Variants in PGM5 observed in about 807,000 individuals in gnomAD.
PGM5 encodes phosphoglucomutase 5, also known as phosphoglucomutase-like protein 5.
Under a neutral mutation model 59.2 loss-of-function variants are expected in PGM5, and 23 were observed. The ratio of observed to expected loss-of-function variants is 0.39; its 90% CI spans 0.28 to 0.55. The LOEUF (loss-of-function observed/expected upper bound fraction) is 0.55, where lower values mean the gene tolerates loss of function less well. Among genes scored for constraint, PGM5 ranks in the 20% least tolerant of loss-of-function variants. The pLI is 0.66. For synonymous variants in PGM5, 214 were observed against 286.0 expected, an observed-to-expected ratio of 0.75 and a Z score of 2.54; for missense variants, 574 against 748.3, an observed-to-expected ratio of 0.77 and a Z score of 2.72.
At chr9:68,513,218 T>A (rs549838457) in intron 10 of PGM5, among the ~76,000 whole-genome samples, 241 of 152,336 alleles carry the variant, frequency 1.6e-3, no homozygotes, top group African/African-American at 5.7e-3. Flanking sequence ...GGGAAAAAAA[T>A]ATCAAATCTC....
At chr9:68,375,814 G>C (rs1288319895) in intron 1 of PGM5, among the ~76,000 whole-genome samples, 1 of 152,196 alleles carries the variant, frequency 6.6e-6, no homozygotes, top group African/African-American at 2.4e-5. Context: ...GCTGTCAAGG[G>C]TGCTATCTCT....
At chr9:68,473,956 A>G (rs1824062541) in intron 7 of PGM5, among the ~76,000 whole-genome samples, 1 of 152,004 alleles carries the variant, frequency 6.6e-6, no homozygotes. Context: ...TTAGCACCAC[A>G]TTCAAGCAAA....
chr9:68,383,551 T>TA (rs1187574530), intron 2 of PGM5, among the ~76,000 whole-genome samples: 1 of 151,888 alleles, frequency 6.6e-6, no homozygotes, highest in Non-Finnish European at 1.5e-5. Flanking sequence ...TGAGATATTT[T>TA]AAAAATCAAG....
At chr9:68,394,836 G>A (rs1283967975) in intron 6 of PGM5, among the ~76,000 whole-genome samples, 1 of 152,012 alleles carries the variant, frequency 6.6e-6, no homozygotes, top group Non-Finnish European at 1.5e-5. Context: ...TGCCTAGGCT[G>A]GTATCAAATT....
intron 7 of PGM5, among the ~76,000 whole-genome samples, chr9:68,470,849 G>A (rs1554686174): frequency 1.3e-5 from 2 of 152,216 alleles, no homozygotes; most frequent in Non-Finnish European, 2.9e-5. Context: ...GAAACAGGCT[G>A]AGTGCATGTG....
At chr9:68,491,275 A>G (rs576138778) in intron 9 of PGM5, among the ~76,000 whole-genome samples, 1 of 152,338 alleles carries the variant, frequency 6.6e-6, no homozygotes, top group Admixed American at 6.5e-5. Context: ...AGCGGGGGAA[A>G]CTAGACTAGG....
chr9:68,380,147 T>A, intron 2 of PGM5, among the ~76,000 whole-genome samples: 1 of 151,924 alleles, frequency 6.6e-6, no homozygotes, highest in African/African-American at 2.4e-5. Context: ...GAATATACAT[T>A]CTTCTCTAGC....
intron 6 of PGM5, among the ~76,000 whole-genome samples, chr9:68,392,757 T>C (rs1416322451): frequency 2.0e-5 from 3 of 152,098 alleles, no homozygotes; most frequent in African/African-American, 7.2e-5. Flanking sequence ...TTTATATGGA[T>C]TGTCATGAAG....
At chr9:68,482,285 C>A (rs1554687177) in intron 8 of PGM5, among the ~76,000 whole-genome samples, 3 of 152,096 alleles carry the variant, frequency 2.0e-5, no homozygotes, top group Non-Finnish European at 2.9e-5. Context: ...TGTCTTCCTG[C>A]CCCTTTCTCC....
intron 1 of PGM5, among the ~76,000 whole-genome samples, chr9:68,376,822 T>A (rs1429830682): frequency 4.3e-5 from 5 of 115,990 alleles, no homozygotes; most frequent in African/African-American, 1.8e-4. Flanking sequence ...TCTTTCTTTC[T>A]TTCTTTCTTT....
chr9:68,423,658 TC>T (rs1823185231), intron 6 of PGM5, among the ~76,000 whole-genome samples: 1 of 26,346 alleles, frequency 3.8e-5, no homozygotes, highest in Non-Finnish European at 1.1e-4. Context: ...TCTCTCTGTC[TC>T]TCTCTCTCTC....
At chr9:68,455,366 A>G (rs1166474545) in intron 6 of PGM5, among the ~76,000 whole-genome samples, 1 of 152,192 alleles carries the variant, frequency 6.6e-6, no homozygotes, top group African/African-American at 2.4e-5. Flanking sequence ...AAAAAACAGG[A>G]ACTCCCTAAA....
intron 6 of PGM5, among the ~76,000 whole-genome samples, chr9:68,411,484 G>A (rs1175362008): frequency 2.0e-3 from 214 of 105,964 alleles, no homozygotes; most frequent in African/African-American, 5.0e-3. Flanking sequence ...GTGTGTGTGT[G>A]TGTGTATATA....
chr9:68,378,270 C>G lies in PGM5; in HGVS notation c.333C>G (p.Ile111Met), dbSNP rs1392473032. The stretch of plus-strand genomic sequence containing the variant: ...CGGTCTCCTGCATTATCAGGAAGAT[C>G]AAGGCAGCTGGTGGAATCATTCTAA... ...TPAVSCIIRK[I>M]KAAGGIILTA... Residue 111 changes from isoleucine (I) to methionine (M), a missense_variant, in exon 2 of 11, where the codon ATC (isoleucine) becomes ATG (methionine). By Grantham distance (10) the Ile-to-Met change is conservative. Around this residue, in one of 7 missense-constraint regions of PGM5, gnomAD observed 61 missense variants for 133.3 expected, o/e 0.46. Coordinates refer to ENST00000396396, the MANE Select transcript of PGM5 (RefSeq NM_021965.4). 1.2e-6 allele frequency: 2 copies of G among 1,603,440 alleles called. No homozygotes were observed. Among genetic ancestry groups the G allele is most frequent in the Non-Finnish European group, 1.7e-6 (2 of 1,176,134 alleles).
chr9:68,476,146 T>C (rs532992583), intron 7 of PGM5, among the ~76,000 whole-genome samples: 1 of 152,252 alleles, frequency 6.6e-6, no homozygotes, highest in Non-Finnish European at 1.5e-5. Flanking sequence ...TTTTAAAGAC[T>C]GTTGATCATT....
rs567323554 is a variant in PGM5, at chr9:68,385,182, T to C, written c.571+638T>C. On this transcript the variant is annotated intron_variant, in intron 3 of 10. Transcript: ENST00000396396. ...ATTCAGAAGATAGCTTTTTGTTTTA[T>C]AGATTAATTTTAGACCATATGACAA... Among the ~76,000 whole-genome samples, 7 of 151,684 alleles carry C rather than the reference T, an allele frequency of 4.6e-5. No homozygotes were observed. In the East Asian group the frequency reaches 1.4e-3, roughly 29 times the overall value.
intron 6 of PGM5, among the ~76,000 whole-genome samples, chr9:68,418,702 C>T (rs1823077856): frequency 6.6e-6 from 1 of 152,028 alleles, no homozygotes; most frequent in Non-Finnish European, 1.5e-5. Flanking sequence ...TGAATGCCCT[C>T]TGAGCCCTGG....
intron 7 of PGM5, among the ~76,000 whole-genome samples, chr9:68,468,193 T>G (rs899877676): frequency 6.7e-6 from 1 of 148,686 alleles, no homozygotes; most frequent in African/African-American, 2.6e-5. Flanking sequence ...ACCCTACTCC[T>G]CAAGAAGACC....
intron 6 of PGM5, among the ~76,000 whole-genome samples, chr9:68,402,788 G>A (rs2132029276): frequency 6.6e-6 from 1 of 152,268 alleles, no homozygotes; most frequent in Admixed American, 6.5e-5. Flanking sequence ...AGGTACTTCT[G>A]GAGTGAAAGA....
Sources: gnomAD v4.1 joint callset for allele counts (sites outside exome capture counted in the v4.1 genomes callset) on GRCh38, gnomAD v4.1.1 for gene constraint, gnomAD v4.1.1 regional missense constraint, MANE v1.5 for transcripts, NCBI Gene and HGNC (gene_info 2026-07-23, HGNC 2026-07-21) for gene names.